Variants in FSTL4 observed in about 807,000 individuals in gnomAD.
The protein encoded by FSTL4 is follistatin-related protein 4.
Under a neutral mutation model 78.2 loss-of-function variants are expected in FSTL4, and 28 were observed. The ratio of observed to expected loss-of-function variants is 0.36; its 90% CI spans 0.27 to 0.49. The LOEUF is 0.49. Among genes scored for constraint, FSTL4 ranks in the 20% least tolerant of loss-of-function variants. The pLI, the probability that FSTL4 is intolerant of heterozygous loss-of-function variation, is 0.98. For missense variants in FSTL4, 922 were observed against 1,084.9 expected, an observed-to-expected ratio of 0.85 and a Z score of 2.11; for synonymous variants, 422 against 440.5, an observed-to-expected ratio of 0.96 and a Z score of 0.53.
At chr5:133,772,048 A>G in the FSTL4 span, among the ~76,000 whole-genome samples, 65 of 152,354 alleles carry the variant, frequency 4.3e-4, no homozygotes, top group African/African-American at 1.6e-3. Flanking sequence ...GAAGACTGCC[A>G]AAAAGGACAA....
At chr5:133,581,663 TTC>T (rs1294311838) in intron 2 of FSTL4, among the ~76,000 whole-genome samples, 1 of 152,258 alleles carries the variant, frequency 6.6e-6, no homozygotes, top group African/African-American at 2.4e-5. Context: ...TTGCCCACAC[TTC>T]TCTCATAGGC....
intron 4 of FSTL4, among the ~76,000 whole-genome samples, chr5:133,347,028 T>A (rs901457396): frequency 1.3e-5 from 2 of 152,214 alleles, no homozygotes; most frequent in African/African-American, 4.8e-5. Context: ...TTTAAAAATT[T>A]AAAAATTTTT....
intron 4 of FSTL4, among the ~76,000 whole-genome samples, chr5:133,326,447 A>G (rs896919706): frequency 1.3e-5 from 2 of 152,152 alleles, no homozygotes; most frequent in African/African-American, 4.8e-5. Context: ...TGTGACTTCT[A>G]AGTGAGTGGG....
At chr5:133,779,403 G>A in the FSTL4 span, among the ~76,000 whole-genome samples, 67 of 152,160 alleles carry the variant, frequency 4.4e-4, no homozygotes, top group African/African-American at 1.5e-3. Flanking sequence ...TGGCTAACAC[G>A]GTGAAACCCC....
At chr5:133,601,146 T>A (rs1055190065) in intron 2 of FSTL4, among the ~76,000 whole-genome samples, 2 of 152,210 alleles carry the variant, frequency 1.3e-5, no homozygotes, top group African/African-American at 2.4e-5. Context: ...ATGAACCTGC[T>A]GTGCAGGGAG....
At chr5:133,801,890 T>G in the FSTL4 span, among the ~76,000 whole-genome samples, 3 of 152,214 alleles carry the variant, frequency 2.0e-5, no homozygotes, top group African/African-American at 7.2e-5. Context: ...CCCTGTGCTC[T>G]CTGGTCAGAG....
intron 4 of FSTL4, among the ~76,000 whole-genome samples, chr5:133,355,657 AAAAC>A (rs928634011): frequency 1.1e-4 from 17 of 152,326 alleles, no homozygotes; most frequent in East Asian, 5.8e-4. Flanking sequence ...CTCTGTCTCA[AAAAC>A]AAACAAACAA....
chr5:133,605,672 ACTGG>A (rs1449992658), intron 1 of FSTL4, among the ~76,000 whole-genome samples: 2 of 152,200 alleles, frequency 1.3e-5, no homozygotes, highest in Admixed American at 1.3e-4. Context: ...GGCCTATGGC[ACTGG>A]CCTATGAAAA....
chr5:133,705,158 T>C, the FSTL4 span, among the ~76,000 whole-genome samples: 10 of 152,168 alleles, frequency 6.6e-5, no homozygotes, highest in Non-Finnish European at 1.5e-5. Context: ...CCTCCCAGGT[T>C]CAATAAATTC....
the FSTL4 span, among the ~76,000 whole-genome samples, chr5:133,690,256 G>A: frequency 6.6e-6 from 1 of 151,936 alleles, no homozygotes; most frequent in African/African-American, 2.4e-5. Context: ...CATAGATCTA[G>A]TCCCCACCTC....
chr5:133,754,776 G>C, the FSTL4 span, among the ~76,000 whole-genome samples: 1 of 152,184 alleles, frequency 6.6e-6, no homozygotes, highest in Non-Finnish European at 1.5e-5. Context: ...GTGGAGCTCA[G>C]ACGTGTGAAG....
At chr5:133,340,728 A>G (rs1478864807) in intron 4 of FSTL4, among the ~76,000 whole-genome samples, 2 of 152,200 alleles carry the variant, frequency 1.3e-5, no homozygotes, top group Non-Finnish European at 2.9e-5. Context: ...TTAAAGGCCT[A>G]TCGTACAGAT....
At chr5:133,782,787 C>T in the FSTL4 span, among the ~76,000 whole-genome samples, 7 of 152,222 alleles carry the variant, frequency 4.6e-5, no homozygotes, top group South Asian at 8.3e-4. Context: ...CCCTCAAGTC[C>T]CTGCCTGTTT....
intron 4 of FSTL4, among the ~76,000 whole-genome samples, chr5:133,337,196 G>T (rs1311109808): frequency 6.6e-6 from 1 of 152,246 alleles, no homozygotes; most frequent in Non-Finnish European, 1.5e-5. Context: ...CTTACTTCCA[G>T]ACAGCGTGCA....
chr5:133,474,934 C>T (rs561947374), intron 3 of FSTL4, among the ~76,000 whole-genome samples: 52 of 152,348 alleles, frequency 3.4e-4, no homozygotes, highest in African/African-American at 1.2e-3. Context: ...ACAGTGTTCG[C>T]GGGGAAACCC....
the FSTL4 span, among the ~76,000 whole-genome samples, chr5:133,667,742 T>C: frequency 6.6e-6 from 1 of 152,240 alleles, no homozygotes; most frequent in Non-Finnish European, 1.5e-5. Context: ...TGCTACATCT[T>C]TCTTCATATT....
At chr5:133,575,847 A>G (rs184867075) in intron 2 of FSTL4, among the ~76,000 whole-genome samples, 207 of 152,366 alleles carry the variant, frequency 1.4e-3, no homozygotes, top group Non-Finnish European at 7.1e-4. Context: ...TTATTATAGT[A>G]TAAATCACAC....
At chr5:133,234,761 G>A (rs1487365179) in intron 7 of FSTL4, among the ~76,000 whole-genome samples, 1 of 152,198 alleles carries the variant, frequency 6.6e-6, no homozygotes, top group Admixed American at 6.5e-5. Context: ...AGTCTCTCTG[G>A]GCACTGGCTT....
At chr5:133,653,243 C>T in the FSTL4 span, among the ~76,000 whole-genome samples, 12 of 152,150 alleles carry the variant, frequency 7.9e-5, no homozygotes, top group Non-Finnish European at 1.8e-4. Context: ...TCTAAAATCC[C>T]CTCAGTTCAA....
Sources: gnomAD v4.1 joint callset for allele counts (sites outside exome capture counted in the v4.1 genomes callset) on GRCh38, gnomAD v4.1.1 for gene constraint, MANE v1.5 for transcripts, NCBI Gene and HGNC (gene_info 2026-07-23, HGNC 2026-07-21) for gene names.